The following PIAS1 variants were observed in gnomAD, a reference collection of about 807,000 sequenced individuals.
PIAS1 encodes the protein E3 SUMO-protein ligase PIAS1.
Under a neutral mutation model 71.3 loss-of-function variants are expected in PIAS1, and 6 were observed. That is an observed-to-expected ratio of 0.08 (90% CI 0.05 to 0.17). The LOEUF (loss-of-function observed/expected upper bound fraction) is 0.17. PIAS1 is among the 10% of genes least tolerant of loss of function. The probability of loss-of-function intolerance (pLI) is 1.00; values close to 1 mark genes in which losing one functional copy is unlikely to be tolerated. For missense variants in PIAS1, 555 were observed against 793.6 expected, an observed-to-expected ratio of 0.70 and a Z score of 3.61; for synonymous variants, 303 against 292.9, an observed-to-expected ratio of 1.03 and a Z score of -0.35.
At chr15:68,168,719 T>TAA (rs560159081) in intron 8 of PIAS1, among the ~76,000 whole-genome samples, 117 of 152,358 alleles carry the variant, frequency 7.7e-4, no homozygotes, top group South Asian at 1.7e-3. Context: ...ACATAATAGT[T>TAA]ATTTTATGAT....
chr15:68,079,277 C>G (rs1224049475), intron 1 of PIAS1, among the ~76,000 whole-genome samples: 2 of 152,228 alleles, frequency 1.3e-5, no homozygotes, highest in African/African-American at 2.4e-5. Flanking sequence ...TTGTTCCTGT[C>G]TTCTCTTCCT....
chr15:68,118,332 A>AT (rs2092583415), intron 2 of PIAS1, among the ~76,000 whole-genome samples: 1 of 149,634 alleles, frequency 6.7e-6, no homozygotes, highest in South Asian at 2.1e-4. Context: ...AAAAAAAAAA[A>AT]AAAATAATAA....
intron 2 of PIAS1, among the ~76,000 whole-genome samples, chr15:68,099,923 C>T (rs1026500053): frequency 6.6e-6 from 1 of 152,096 alleles, no homozygotes. Flanking sequence ...CATCTGTCGA[C>T]ATACTTATAC....
chr15:68,176,016 T>C (rs80293295), intron 10 of PIAS1, among the ~76,000 whole-genome samples: 10 of 152,230 alleles, frequency 6.6e-5, no homozygotes, highest in Non-Finnish European at 1.3e-4. Flanking sequence ...TGTAAACTCA[T>C]ACTTTTGAAA....
At chr15:68,179,350 T>C (rs1261632943) in intron 11 of PIAS1, among the ~76,000 whole-genome samples, 2 of 152,148 alleles carry the variant, frequency 1.3e-5, no homozygotes, top group African/African-American at 2.4e-5. Flanking sequence ...TCCTCTCTTA[T>C]AATCTCTTAG....
chr15:68,115,856 G>A (rs1381583037), intron 2 of PIAS1, among the ~76,000 whole-genome samples: 1 of 152,034 alleles, frequency 6.6e-6, no homozygotes, highest in Non-Finnish European at 1.5e-5. Flanking sequence ...TGGTGAACCA[G>A]CCTTGTATTT....
At chr15:68,093,382 T>C (rs960233421) in intron 2 of PIAS1, among the ~76,000 whole-genome samples, 2 of 152,260 alleles carry the variant, frequency 1.3e-5, no homozygotes, top group Non-Finnish European at 2.9e-5. Flanking sequence ...AGCAGAATTG[T>C]GCGGAAGCAC....
At chr15:68,103,449 C>A (rs2092445447) in intron 2 of PIAS1, among the ~76,000 whole-genome samples, 1 of 151,186 alleles carries the variant, frequency 6.6e-6, no homozygotes, top group Non-Finnish European at 1.5e-5. Flanking sequence ...TTTAAAATAG[C>A]TTTATTGACA....
intron 1 of PIAS1, among the ~76,000 whole-genome samples, chr15:68,072,486 A>G (rs2092109650): frequency 6.7e-6 from 1 of 148,474 alleles, no homozygotes; most frequent in South Asian, 2.2e-4. Flanking sequence ...GAAACTATGT[A>G]TGGAGTCTGA....
At chr15:68,160,046 C>T (rs2092914482) in intron 7 of PIAS1, among the ~76,000 whole-genome samples, 1 of 152,116 alleles carries the variant, frequency 6.6e-6, no homozygotes, top group African/African-American at 2.4e-5. Flanking sequence ...TTTCTTTGTG[C>T]ATTTTTCTGA....
chr15:68,100,701 G>A (rs2092416233), intron 2 of PIAS1, among the ~76,000 whole-genome samples: 1 of 152,090 alleles, frequency 6.6e-6, no homozygotes, highest in Admixed American at 6.5e-5. Context: ...CTGTATGGTA[G>A]TTTTAGTTTT....
intron 7 of PIAS1, among the ~76,000 whole-genome samples, chr15:68,154,368 G>A (rs1006350978): frequency 6.6e-6 from 1 of 152,176 alleles, no homozygotes; most frequent in South Asian, 2.1e-4. Context: ...TAAGTTCTTC[G>A]TTTATTCTTT....
In PIAS1 at chr15:68,098,731, A is replaced by G. The variant is rs534150391; in HGVS notation, c.469+11981A>G. Among the ~76,000 whole-genome samples, 69 of 152,248 alleles carry G rather than the reference A, an allele frequency of 4.5e-4. 1 individual carries two copies. The highest frequency in any genetic ancestry group is 6.8e-3 in the Middle Eastern group (2 of 294). On this transcript the variant is annotated intron_variant, in intron 2 of 13. Transcript: ENST00000249636. Reference sequence around the variant, plus strand: ...CATATTTGCCTCATTCTTTTTTAGCAGCTACTTAGTAGGCAATAGATTCGT... The same window carrying G: ...CATATTTGCCTCATTCTTTTTTAGCGGCTACTTAGTAGGCAATAGATTCGT...
chr15:68,117,292 G>C (rs2092573363), intron 2 of PIAS1, among the ~76,000 whole-genome samples: 1 of 152,040 alleles, frequency 6.6e-6, no homozygotes, highest in Admixed American at 6.6e-5. Context: ...CACCATGTTG[G>C]CCAGGCTGGT....
At position 68,187,700 on chromosome 15, in the gene PIAS1, C is replaced by G; in HGVS notation, c.1821C>G (p.Ser607Arg). The G allele has an allele frequency of 6.2e-7, 1 of 1,613,986 alleles. No individual in the cohort carries two copies. Among genetic ancestry groups the G allele is most frequent in the Non-Finnish European group, 8.5e-7 (1 of 1,179,894 alleles). The part of the protein sequence containing the change: ...GSTSLPTTNG[S>R]SSGSNSSLVS... ...CTTCTCTGCCAACCACCAATGGAAG[C>G]AGTAGTGGCAGTAACAGCAGCCTGG... Residue 607 changes from serine (S) to arginine (R), a missense_variant, in exon 14 of 14, where the codon AGC becomes AGG. Ser to Arg is a moderately radical substitution (Grantham distance 110). Around this residue, in one of 5 missense-constraint regions of PIAS1, gnomAD observed 244 missense variants for 307.5 expected, o/e 0.79. Transcript: ENST00000249636. This position sits in a 1 kb window ranked among gnomAD's most constrained non-coding sequence, Gnocchi z 5.3.
chr15:68,145,868 C>A lies in PIAS1; in HGVS notation c.655C>A (p.Leu219Ile). Residue 219 changes from leucine (L) to isoleucine (I), a missense_variant, in exon 5 of 14, where the codon CTT becomes ATT. Around this residue, in one of 5 missense-constraint regions of PIAS1, gnomAD observed 134 missense variants for 203.4 expected, o/e 0.66. Transcript: ENST00000249636. ...ACAAGAAGATCACTTCCCACCCAAT[C>A]TTTGTGTGAAAGTGAATACAAAACC... ...CPQEDHFPPN[L>I]CVKVNTKPCS... 1.2e-6 allele frequency: 2 copies of A among 1,612,190 alleles called. No homozygotes were observed. Among genetic ancestry groups the A allele is most frequent in the Non-Finnish European group, 1.7e-6 (2 of 1,178,418 alleles).
chr15:68,069,154 A>G (rs952521593), intron 1 of PIAS1, among the ~76,000 whole-genome samples: 1 of 151,926 alleles, frequency 6.6e-6, no homozygotes, highest in African/African-American at 2.4e-5. Flanking sequence ...TCAGCCTCCC[A>G]AAGTGCTGGG....
At chr15:68,123,161 C>T (rs2092625186) in intron 2 of PIAS1, among the ~76,000 whole-genome samples, 1 of 152,116 alleles carries the variant, frequency 6.6e-6, no homozygotes, top group South Asian at 2.1e-4. Flanking sequence ...AAGTGGTCCT[C>T]CTGCCTTATC....
intron 2 of PIAS1, among the ~76,000 whole-genome samples, chr15:68,105,153 A>G (rs2092458015): frequency 6.6e-6 from 1 of 152,190 alleles, no homozygotes; most frequent in Admixed American, 6.5e-5. Flanking sequence ...AGTGTAGGAA[A>G]TTCAGGTTTT....
Sources: allele counts gnomAD v4.1 joint callset (sites outside exome capture counted in the v4.1 genomes callset), GRCh38; gene constraint gnomAD v4.1.1; regional missense constraint gnomAD v4.1.1; non-coding constraint Gnocchi (gnomAD v3.1); transcripts MANE v1.5; gene names NCBI Gene and HGNC (gene_info 2026-07-23, HGNC 2026-07-21).